LRFN2: variants seen among roughly 807,000 people sequenced by gnomAD.
LRFN2 encodes leucine-rich repeat and fibronectin type-III domain-containing protein 2.
A neutral mutation model predicts 37.3 loss-of-function variants in LRFN2; 18 were observed. That is an observed-to-expected ratio of 0.48 (90% CI 0.33 to 0.72). The LOEUF (loss-of-function observed/expected upper bound fraction) is 0.72, where lower values mean the gene tolerates loss of function less well. LRFN2 is among the 30% of genes least tolerant of loss of function. The pLI, the probability that LRFN2 is intolerant of heterozygous loss-of-function variation, is 0.02. For synonymous variants in LRFN2, 556 were observed against 466.6 expected, an observed-to-expected ratio of 1.19 and a Z score of -2.47; for missense variants, 1,006 against 1,060.7, an observed-to-expected ratio of 0.95 and a Z score of 0.72.
intron 1 of LRFN2, among the ~76,000 whole-genome samples, chr6:40,489,740 T>C (rs1018676841): frequency 6.6e-6 from 1 of 151,980 alleles, no homozygotes; most frequent in African/African-American, 2.4e-5. Context: ...CCCACTTACT[T>C]AGGGAAAAAT....
At chr6:40,567,741 A>C (rs1277191901) in intron 1 of LRFN2, among the ~76,000 whole-genome samples, 6 of 152,274 alleles carry the variant, frequency 3.9e-5, no homozygotes, top group African/African-American at 1.4e-4. Context: ...AGGACTAGGC[A>C]CTCCGTTACC....
chr6:40,585,948 T>C (rs1359652954), intron 1 of LRFN2, among the ~76,000 whole-genome samples: 1 of 152,174 alleles, frequency 6.6e-6, no homozygotes, highest in Non-Finnish European at 1.5e-5. Context: ...GTGCAGGCTC[T>C]GACATGTTCC....
intron 1 of LRFN2, among the ~76,000 whole-genome samples, chr6:40,474,768 T>C (rs1015819953): frequency 3.9e-5 from 6 of 152,106 alleles, no homozygotes; most frequent in Non-Finnish European, 8.8e-5. Flanking sequence ...GGGATTACAG[T>C]TGTGAGTCAC....
chr6:40,438,837 G>A (rs527909639), intron 1 of LRFN2, among the ~76,000 whole-genome samples: 10 of 152,272 alleles, frequency 6.6e-5, no homozygotes, highest in Non-Finnish European at 1.0e-4. Flanking sequence ...ACACATACAC[G>A]TGTTCAGAAA....
At chr6:40,547,130 G>A (rs1412267627) in intron 1 of LRFN2, among the ~76,000 whole-genome samples, 1 of 144,576 alleles carries the variant, frequency 6.9e-6, no homozygotes, top group Admixed American at 7.0e-5. Flanking sequence ...TTGAGATAGA[G>A]TTTTGCTCTT....
rs117879019 is a variant in LRFN2 at position 40,495,226 on chromosome 6, G to A, written c.-18-62095C>T. Among the ~76,000 whole-genome samples, 32 of 152,308 alleles carry A rather than the reference G, an allele frequency of 2.1e-4. 1 individual carries two copies. The East Asian group carries it at 6.0e-3, about 28-fold the overall frequency. On this transcript the variant is annotated intron_variant, in intron 1 of 2. Transcript: ENST00000338305. ...ACAGCTTTGATACACACTTCACAGA[G>A]AAGTCAATGAAATCAGAGACCTATC...
intron 2 of LRFN2, among the ~76,000 whole-genome samples, chr6:40,415,137 C>T (rs1267371824): frequency 6.6e-6 from 1 of 152,210 alleles, no homozygotes; most frequent in Non-Finnish European, 1.5e-5. Flanking sequence ...GCTCCAGAGA[C>T]AGAAAAACAT....
intron 1 of LRFN2, among the ~76,000 whole-genome samples, chr6:40,436,496 T>G (rs1213451022): frequency 1.5e-5 from 2 of 129,582 alleles, no homozygotes; most frequent in Non-Finnish European, 3.4e-5. Context: ...GATATGTGTT[T>G]TTTTTTTTCA....
chr6:40,552,691 T>A (rs1001061540), intron 1 of LRFN2, among the ~76,000 whole-genome samples: 3 of 152,116 alleles, frequency 2.0e-5, no homozygotes, highest in Admixed American at 1.3e-4. Flanking sequence ...CTTGAAAAAA[T>A]TCATTATAAA....
At chr6:40,461,335 G>C (rs1000084304) in intron 1 of LRFN2, among the ~76,000 whole-genome samples, 15 of 152,044 alleles carry the variant, frequency 9.9e-5, no homozygotes, top group Non-Finnish European at 1.9e-4. Flanking sequence ...TTGAGCCAAG[G>C]AGTTCAAGGC....
At chr6:40,393,683 C>G (rs115216312) in intron 2 of LRFN2, among the ~76,000 whole-genome samples, 1 of 152,138 alleles carries the variant, frequency 6.6e-6, no homozygotes, top group African/African-American at 2.4e-5. Context: ...CAGCCCTGAC[C>G]CTGTGCCAGC....
At position 40,550,123 on chromosome 6, in the gene LRFN2, C is replaced by A. The variant is rs375982; in HGVS notation, c.-19+36818G>T. Among the ~76,000 whole-genome samples, 9 of 152,082 alleles carry A rather than the reference C, an allele frequency of 5.9e-5. No homozygotes were observed. In the South Asian group the frequency reaches 1.9e-3, roughly 32 times the overall value. On this transcript the variant is annotated intron_variant, in intron 1 of 2. Coordinates refer to ENST00000338305, the MANE Select transcript of LRFN2 (RefSeq NM_020737.3). ...TACTTCTGTTGTGAGGGTGCAGCTG[C>A]GGCACAGCCAGTAAGCAAACGGCAG...
chr6:40,442,787 TGCA>T (rs1763870315), intron 1 of LRFN2, among the ~76,000 whole-genome samples: 1 of 152,280 alleles, frequency 6.6e-6, no homozygotes, highest in South Asian at 2.1e-4. Flanking sequence ...CTCTCCTCAC[TGCA>T]TGGGGCCCTG....
At chr6:40,495,583 A>G (rs1324698414) in intron 1 of LRFN2, among the ~76,000 whole-genome samples, 1 of 152,146 alleles carries the variant, frequency 6.6e-6, no homozygotes, top group East Asian at 1.9e-4. Context: ...ATGGCCATCC[A>G]TACAGTTGCC....
In LRFN2 at chr6:40,396,547, C is replaced by T. The variant is rs141043237; in HGVS notation, c.1401-3635G>A. Reference sequence around the variant, plus strand: ...GTAACAAGGCAAGGCTGATTCTTGGCGGGCCACTGGAACCGGGATGAAAGG... The same window carrying T: ...GTAACAAGGCAAGGCTGATTCTTGGTGGGCCACTGGAACCGGGATGAAAGG... On this transcript the variant is annotated intron_variant, in intron 2 of 2. Coordinates refer to ENST00000338305, the MANE Select transcript of LRFN2 (RefSeq NM_020737.3). Among the ~76,000 whole-genome samples the T allele has an allele frequency of 7.2e-5, 11 of 152,250 alleles. No individual in the cohort carries two copies. The East Asian group carries it at 1.7e-3, about 24-fold the overall frequency.
chr6:40,493,088 C>A (rs1467682645), intron 1 of LRFN2, among the ~76,000 whole-genome samples: 3 of 152,042 alleles, frequency 2.0e-5, no homozygotes, highest in Non-Finnish European at 4.4e-5. Flanking sequence ...TATGAAAGAG[C>A]CAAACCCTGG....
At chr6:40,479,846 G>T (rs780710718) in intron 1 of LRFN2, among the ~76,000 whole-genome samples, 1 of 152,210 alleles carries the variant, frequency 6.6e-6, no homozygotes. Flanking sequence ...TCTCCAGCAC[G>T]CAAGGCCCTG....
intron 1 of LRFN2, among the ~76,000 whole-genome samples, chr6:40,530,925 G>A (rs1036703958): frequency 3.3e-5 from 5 of 152,122 alleles, no homozygotes; most frequent in African/African-American, 1.2e-4. Flanking sequence ...TTGCCTGTCT[G>A]CACCAAGCGA....
At chr6:40,550,714 C>G (rs1169646552) in intron 1 of LRFN2, among the ~76,000 whole-genome samples, 1 of 151,410 alleles carries the variant, frequency 6.6e-6, no homozygotes, top group Non-Finnish European at 1.5e-5. Context: ...TCTTTCTCCA[C>G]TGGTGTATAT....
Sources: allele counts gnomAD v4.1 joint callset (sites outside exome capture counted in the v4.1 genomes callset), GRCh38; gene constraint gnomAD v4.1.1; transcripts MANE v1.5; gene names NCBI Gene and HGNC (gene_info 2026-07-23, HGNC 2026-07-21).